The following SV2C variants were observed in gnomAD, a reference collection of about 807,000 sequenced individuals.
SV2C encodes synaptic vesicle glycoprotein 2C.
SV2C carries 49 observed loss-of-function variants against 79.7 expected under a neutral mutation model. That is an observed-to-expected ratio of 0.61 (90% CI 0.49 to 0.78). The LOEUF (loss-of-function observed/expected upper bound fraction) is 0.78. SV2C is among the 30% of genes least tolerant of loss of function. The pLI is 0.00. For missense variants in SV2C, 833 were observed against 912.9 expected (o/e 0.91, Z 1.13); for synonymous variants, 334 against 333.2 (o/e 1.00, Z -0.03).
chr5:76,202,288 A>T (rs1022632014), intron 3 of SV2C, among the ~76,000 whole-genome samples: 15 of 152,290 alleles, frequency 9.8e-5, no homozygotes, highest in Non-Finnish European at 1.9e-4. Flanking sequence ...TATATTAGTA[A>T]ATATTGACTC....
intron 1 of SV2C, among the ~76,000 whole-genome samples, chr5:76,102,995 C>G (rs1747793586): frequency 6.6e-6 from 1 of 152,068 alleles, no homozygotes. Flanking sequence ...TGGACGTTGA[C>G]AAAGTGCTTT....
At chr5:76,208,343 T>G (rs760211033) in intron 3 of SV2C, among the ~76,000 whole-genome samples, 5 of 152,256 alleles carry the variant, frequency 3.3e-5, no homozygotes, top group Admixed American at 1.3e-4. Flanking sequence ...TTACCGTTTA[T>G]AGCTACTAAA....
the SV2C span, among the ~76,000 whole-genome samples, chr5:75,992,228 A>G: frequency 6.6e-6 from 1 of 152,062 alleles, no homozygotes; most frequent in East Asian, 1.9e-4. Context: ...AACAAGAGCA[A>G]GAAGGCTCTG....
downstream of SV2C, among the ~76,000 whole-genome samples, chr5:76,337,693 G>A (rs971628540): frequency 1.3e-5 from 2 of 152,156 alleles, no homozygotes; most frequent in African/African-American, 2.4e-5. Context: ...TGAGGAACAA[G>A]GGTCCTGCAC....
At chr5:75,971,864 C>G in the SV2C span, among the ~76,000 whole-genome samples, 1 of 151,998 alleles carries the variant, frequency 6.6e-6, no homozygotes, top group Admixed American at 6.6e-5. Flanking sequence ...GCCCACATTG[C>G]CAAGTCAATC....
At chr5:75,971,971 A>T in the SV2C span, among the ~76,000 whole-genome samples, 2 of 152,152 alleles carry the variant, frequency 1.3e-5, no homozygotes, top group Non-Finnish European at 2.9e-5. Flanking sequence ...CTGGTACCAA[A>T]ACAGAGATAC....
Position 76,295,759 on chromosome 5 carries a change from C to T in SV2C, c.1338-19C>T. The stretch of plus-strand genomic sequence containing the variant: ...GCATGCTAGTGCCTTTACAAACTCA[C>T]ATTTCTTTGTCTTTGCAGGTACTAT... On this transcript the variant is annotated intron_variant, in intron 8 of 12. Transcript: ENST00000502798. The T allele has an allele frequency of 6.3e-7, 1 of 1,596,846 alleles. No homozygotes were observed. Among genetic ancestry groups the T allele is most frequent in the South Asian group, 1.1e-5 (1 of 88,210 alleles).
chr5:75,958,151 A>T, the SV2C span, among the ~76,000 whole-genome samples: 1 of 152,008 alleles, frequency 6.6e-6, no homozygotes, highest in Non-Finnish European at 1.5e-5. Context: ...TCAGAGAATT[A>T]GTTATCATTC....
the SV2C span, among the ~76,000 whole-genome samples, chr5:76,011,606 G>GT: frequency 1.3e-5 from 2 of 151,776 alleles, no homozygotes; most frequent in African/African-American, 2.4e-5. Flanking sequence ...TCCTGTTTTT[G>GT]TTTTTTATTT....
the SV2C span, among the ~76,000 whole-genome samples, chr5:76,071,271 T>C: frequency 6.6e-6 from 1 of 152,210 alleles, no homozygotes; most frequent in Non-Finnish European, 1.5e-5. Flanking sequence ...AAGTGTGATT[T>C]GCAGAGAATC....
intron 4 of SV2C, among the ~76,000 whole-genome samples, chr5:76,235,661 C>G (rs946506399): frequency 1.3e-5 from 2 of 151,408 alleles, no homozygotes; most frequent in African/African-American, 4.9e-5. Context: ...TTTCACATGG[C>G]CTTTGCTTAG....
the SV2C span, among the ~76,000 whole-genome samples, chr5:75,876,646 A>G: frequency 6.6e-6 from 1 of 152,232 alleles, no homozygotes; most frequent in South Asian, 2.1e-4. Flanking sequence ...TTGTAAATTG[A>G]TAGGTGTAAT....
upstream of SV2C, chr5:76,079,109 A>G (rs1341947088): frequency 1.7e-5 from 6 of 362,772 alleles, no homozygotes; most frequent in South Asian, 1.5e-4. Flanking sequence ...GATTCACCTT[A>G]TTGGAACATT....
At chr5:75,852,945 G>A in the SV2C span, among the ~76,000 whole-genome samples, 2 of 151,724 alleles carry the variant, frequency 1.3e-5, no homozygotes, top group South Asian at 4.2e-4. Flanking sequence ...TGCCATAAAA[G>A]TAAAATAAGT....
At chr5:75,912,265 T>C in the SV2C span, among the ~76,000 whole-genome samples, 2 of 152,162 alleles carry the variant, frequency 1.3e-5, no homozygotes, top group Non-Finnish European at 2.9e-5. Context: ...TTATGACCCA[T>C]TTTGCAAGAC....
At chr5:75,871,824 T>C in the SV2C span, among the ~76,000 whole-genome samples, 11 of 114,540 alleles carry the variant, frequency 9.6e-5, no homozygotes, top group African/African-American at 4.4e-4. Context: ...TAAATATATA[T>C]ATATATATAT....
the SV2C span, among the ~76,000 whole-genome samples, chr5:76,036,317 T>G: frequency 1.3e-5 from 2 of 152,184 alleles, no homozygotes; most frequent in African/African-American, 4.8e-5. Flanking sequence ...TGCTCGTTAG[T>G]TGATGCAGTT....
intron 12 of SV2C, among the ~76,000 whole-genome samples, chr5:76,324,152 G>A (rs1327192471): frequency 1.3e-5 from 2 of 152,058 alleles, no homozygotes; most frequent in African/African-American, 4.8e-5. Flanking sequence ...TAGAGACAGG[G>A]TCTTGCTATG....
the SV2C span, chr5:75,910,346 T>G: frequency 1.8e-6 from 1 of 558,722 alleles, no homozygotes; most frequent in Non-Finnish European, 3.5e-6. Context: ...AAGGAGATCA[T>G]TATTCCCTAC....
Sources: allele counts gnomAD v4.1 joint callset (sites outside exome capture counted in the v4.1 genomes callset), GRCh38; gene constraint gnomAD v4.1.1; transcripts MANE v1.5; gene names NCBI Gene and HGNC (gene_info 2026-07-23, HGNC 2026-07-21).